The following UBE2E2 variants were observed in gnomAD, a reference collection of about 807,000 sequenced individuals.
UBE2E2 encodes the protein ubiquitin conjugating enzyme E2 E2.
UBE2E2 carries 6 observed loss-of-function variants against 24.7 expected under a neutral mutation model. The observed-to-expected ratio is 0.24, with a 90% CI of 0.13 to 0.48. The LOEUF is 0.48. Among genes scored for constraint, UBE2E2 ranks in the 20% least tolerant of loss-of-function variants. The pLI is 0.99. For synonymous variants in UBE2E2, 104 were observed against 83.6 expected (o/e 1.24, Z -1.33); for missense variants, 169 against 245.0 (o/e 0.69, Z 2.07).
chr3:23,535,500 C>T (rs532901305), intron 5 of UBE2E2, among the ~76,000 whole-genome samples: 2 of 151,886 alleles, frequency 1.3e-5, no homozygotes, highest in East Asian at 1.9e-4. Flanking sequence ...ATCAGCCAGT[C>T]GATGGGTGCA....
intron 3 of UBE2E2, among the ~76,000 whole-genome samples, chr3:23,451,689 G>A (rs77044092): frequency 0.029 from 4,403 of 152,234 alleles, 109 homozygotes; most frequent in East Asian, 0.13. Context: ...ATAGAGGTAT[G>A]CTTTATTTCT....
chr3:23,241,200 G>A (rs1171642904), intron 3 of UBE2E2, among the ~76,000 whole-genome samples: 1 of 151,992 alleles, frequency 6.6e-6, no homozygotes, highest in East Asian at 1.9e-4. Context: ...TCATCAAATC[G>A]TTTTTGTCCT....
intron 3 of UBE2E2, among the ~76,000 whole-genome samples, chr3:23,410,735 G>T (rs867687666): frequency 9.2e-5 from 14 of 152,146 alleles, no homozygotes; most frequent in African/African-American, 2.4e-4. Context: ...GGTAAAAGCA[G>T]AAAACATCAA....
intron 1 of UBE2E2, among the ~76,000 whole-genome samples, chr3:23,207,403 A>G (rs992410545): frequency 6.6e-6 from 1 of 150,934 alleles, no homozygotes; most frequent in Non-Finnish European, 1.5e-5. Flanking sequence ...GAAAGCCTTG[A>G]GGGATATTTT....
At chr3:23,257,019 A>G (rs1697744252) in intron 3 of UBE2E2, among the ~76,000 whole-genome samples, 1 of 152,228 alleles carries the variant, frequency 6.6e-6, no homozygotes. Flanking sequence ...TGGCACCAAC[A>G]TATTCATTTC....
At chr3:23,485,568 T>G (rs1042429645) in intron 3 of UBE2E2, among the ~76,000 whole-genome samples, 4 of 152,188 alleles carry the variant, frequency 2.6e-5, no homozygotes, top group African/African-American at 9.7e-5. Context: ...CTCTCTTGTT[T>G]TTGTTGAAGT....
At chr3:23,497,684 C>T (rs186058727) in intron 3 of UBE2E2, among the ~76,000 whole-genome samples, 22 of 152,156 alleles carry the variant, frequency 1.4e-4, no homozygotes, top group Non-Finnish European at 2.2e-4. Flanking sequence ...GCACTCATGA[C>T]GTTCCTTTTT....
chr3:23,331,501 G>A (rs1172143851), intron 3 of UBE2E2, among the ~76,000 whole-genome samples: 1 of 151,362 alleles, frequency 6.6e-6, no homozygotes, highest in African/African-American at 2.5e-5. Context: ...CAATGGATGG[G>A]GGCAGGGAGG....
intron 3 of UBE2E2, among the ~76,000 whole-genome samples, chr3:23,440,359 C>T (rs532344709): frequency 5.9e-5 from 9 of 152,284 alleles, no homozygotes; most frequent in African/African-American, 2.2e-4. Flanking sequence ...CCTTGCATCT[C>T]GTCCTCCCAA....
chr3:23,555,196 T>C (rs1339675135), intron 5 of UBE2E2, among the ~76,000 whole-genome samples: 1 of 152,174 alleles, frequency 6.6e-6, no homozygotes, highest in African/African-American at 2.4e-5. Context: ...ATTACAGGCA[T>C]GAGCCACCAT....
intron 5 of UBE2E2, among the ~76,000 whole-genome samples, chr3:23,538,729 A>C (rs1005184230): frequency 6.6e-6 from 1 of 152,154 alleles, no homozygotes; most frequent in Non-Finnish European, 1.5e-5. Flanking sequence ...TGAATTAAAG[A>C]AGATATACAG....
At chr3:23,568,217 AG>A (rs1165908513) in intron 5 of UBE2E2, among the ~76,000 whole-genome samples, 1 of 152,214 alleles carries the variant, frequency 6.6e-6, no homozygotes, top group Non-Finnish European at 1.5e-5. Flanking sequence ...AACAATGTCT[AG>A]GGCATGACTG....
intron 4 of UBE2E2, among the ~76,000 whole-genome samples, chr3:23,503,059 C>T (rs538460338): frequency 6.6e-6 from 1 of 151,878 alleles, no homozygotes; most frequent in African/African-American, 2.4e-5. Flanking sequence ...TGTGTAAAAG[C>T]TTTTTACACC....
chr3:23,422,672 G>A (rs1310849836), intron 3 of UBE2E2, among the ~76,000 whole-genome samples: 1 of 152,166 alleles, frequency 6.6e-6, no homozygotes, highest in African/African-American at 2.4e-5. Flanking sequence ...GATTTGACTT[G>A]TTCTATTTCC....
intron 3 of UBE2E2, among the ~76,000 whole-genome samples, chr3:23,406,395 C>A (rs1328964774): frequency 6.6e-6 from 1 of 152,252 alleles, no homozygotes; most frequent in East Asian, 1.9e-4. Context: ...ACTCTTTGAC[C>A]AAACCTCCAT....
At chr3:23,509,812 G>A (rs1041712556) in intron 4 of UBE2E2, among the ~76,000 whole-genome samples, 2 of 144,518 alleles carry the variant, frequency 1.4e-5, no homozygotes, top group Admixed American at 7.4e-5. Context: ...CCACCTATGA[G>A]TGAGAACATG....
Position 23,345,238 on chromosome 3 carries a change from T to G in UBE2E2, c.227+127926T>G, listed in dbSNP as rs113333797. Among the ~76,000 whole-genome samples, 580 of 152,356 alleles carry G rather than the reference T, an allele frequency of 3.8e-3. 3 individuals are homozygous for G. Among genetic ancestry groups the G allele is most frequent in the Non-Finnish European group, 5.1e-3 (346 of 68,036 alleles). ...TGTAGCAAACAGCAAATTAAGTGAC[T>G]ATACACTGGAAAGAGTTAGGTTCAT... On this transcript the variant is annotated intron_variant, in intron 3 of 5. Transcript: ENST00000396703.
intron 3 of UBE2E2, among the ~76,000 whole-genome samples, chr3:23,222,703 G>T (rs1696689609): frequency 6.6e-6 from 1 of 152,168 alleles, no homozygotes; most frequent in South Asian, 2.1e-4. Context: ...TGGGCAGCGT[G>T]AAAATGGACT....
intron 5 of UBE2E2, among the ~76,000 whole-genome samples, chr3:23,567,790 A>G (rs1696111905): frequency 6.6e-6 from 1 of 152,202 alleles, no homozygotes; most frequent in Admixed American, 6.5e-5. Context: ...TTAAACAAAT[A>G]CTTACTGCAT....
Sources: allele counts gnomAD v4.1 joint callset (sites outside exome capture counted in the v4.1 genomes callset), GRCh38; gene constraint gnomAD v4.1.1; transcripts MANE v1.5; gene names NCBI Gene and HGNC (gene_info 2026-07-23, HGNC 2026-07-21).